GOLGB1: variants seen among roughly 807,000 people sequenced by gnomAD.
GOLGB1 encodes the protein golgin B1, also known as golgin subfamily B member 1.
In GOLGB1, 174 loss-of-function variants were observed where a neutral mutation model predicts 336.9. The ratio of observed to expected loss-of-function variants is 0.52; its 90% CI spans 0.46 to 0.59. The LOEUF (loss-of-function observed/expected upper bound fraction) is 0.59. Ranked by LOEUF, GOLGB1 falls within the 20% of genes least tolerant of loss-of-function variation. The pLI is 0.00. For synonymous variants in GOLGB1, 1,208 were observed against 1,289.2 expected (o/e 0.94, Z 1.35); for missense variants, 3,331 against 3,645.3 (o/e 0.91, Z 2.22).
Position 121,692,309 on chromosome 3 carries a change from G to A in GOLGB1, c.7055C>T (p.Ala2352Val). ...ACTGAACTTAGAATTTTGAATATCA[G>A]CCTCTTGCTGCCTTATGATCCCTTC... ...NLEGIIRQQEADIQNSKFSYE... is the reference protein window; with the variant it reads ...NLEGIIRQQEVDIQNSKFSYE... The change falls in exon 14 of 22, where the codon GCT becomes GTT. Residue 2352 changes from alanine (A) to valine (V), a missense_variant. Coordinates refer to ENST00000614479, the MANE Select transcript of GOLGB1 (RefSeq NM_001366282.2). 3 of 1,611,100 alleles carry A rather than the reference G, an allele frequency of 1.9e-6. No individual in the cohort carries two copies. Among genetic ancestry groups the A allele is most frequent in the Non-Finnish European group, 2.5e-6 (3 of 1,179,206 alleles).
intron 10 of GOLGB1, among the ~76,000 whole-genome samples, chr3:121,711,842 T>G (rs1170766581): frequency 1.3e-5 from 2 of 152,204 alleles, no homozygotes; most frequent in Non-Finnish European, 2.9e-5. Context: ...AATGGAGAGA[T>G]ATACTATATT....
chr3:121,689,191 G>A (rs1195837345), intron 14 of GOLGB1, among the ~76,000 whole-genome samples: 19 of 152,280 alleles, frequency 1.2e-4, no homozygotes, highest in East Asian at 1.2e-3. Context: ...TGACAATGGC[G>A]GTTTTGTGGA....
Position 121,692,094 on chromosome 3 carries a change from G to A in GOLGB1, c.7270C>T (p.Gln2424Ter). 6.2e-7 allele frequency: 1 copy of A among 1,613,442 alleles called. No individual in the cohort carries two copies. Among genetic ancestry groups the A allele is most frequent in the Non-Finnish European group, 8.5e-7 (1 of 1,179,626 alleles). The change falls in exon 14 of 22, where the codon CAG (glutamine) becomes TAG (stop). Residue 2424 changes from glutamine to a stop codon, truncating the protein, a stop_gained. Coordinates refer to ENST00000614479, the MANE Select transcript of GOLGB1 (RefSeq NM_001366282.2). LOFTEE classifies it high-confidence loss of function. ...AAAACAATATTCTCCTCTTCCTCCTGGGACAGCAGGTTTTCCAGCTCTTTA... is the reference window on the plus strand; with the variant it reads ...AAAACAATATTCTCCTCTTCCTCCTAGGACAGCAGGTTTTCCAGCTCTTTA... The part of the protein sequence containing the change: ...EIKELENLLS[Q>*]EEEENIVLEE...
chr3:121,714,934 T>C lies in GOLGB1; in HGVS notation c.1331A>G (p.Asn444Ser), dbSNP rs745531473. The change falls in exon 10 of 22, where the codon AAT becomes AGT. Residue 444 changes from asparagine (N) to serine (S), a missense_variant. Coordinates refer to ENST00000614479, the MANE Select transcript of GOLGB1 (RefSeq NM_001366282.2). ...TTCATGTTGTTGCAAGGGCAGTCTA[T>C]TTAGAAATTGGCTAATTTCTTTGGA... ...QKSKEISQFLNRLPLQQHETA... is the reference protein window; with the variant it reads ...QKSKEISQFLSRLPLQQHETA... 20 of 1,612,938 alleles carry C rather than the reference T, an allele frequency of 1.2e-5. No individual in the cohort carries two copies. The highest frequency in any genetic ancestry group is 5.3e-5 in the African/African-American group (4 of 74,908).
At chr3:121,748,653 T>TCAC in intron 1 of GOLGB1, 1 of 177,462 alleles carries the variant, frequency 5.6e-6, no homozygotes, top group Non-Finnish European at 1.1e-5. Flanking sequence ...TCTTATCAAT[T>TCAC]CACGCTTTTG....
intron 12 of GOLGB1, 71 bp from the exon 13 acceptor site, chr3:121,699,000 A>C: frequency 1.7e-6 from 2 of 1,166,306 alleles, no homozygotes; most frequent in South Asian, 3.3e-5. Flanking sequence ...CCCAACTAAA[A>C]ACTTGTATTT....
intron 17 of GOLGB1, among the ~76,000 whole-genome samples, chr3:121,672,527 T>C (rs1005171880): frequency 5.3e-5 from 8 of 152,260 alleles, no homozygotes; most frequent in African/African-American, 1.4e-4. Flanking sequence ...ATTCTGGTTA[T>C]TAATCCCTTG....
chr3:121,734,138 C>T (rs531808900), intron 1 of GOLGB1, among the ~76,000 whole-genome samples: 10 of 152,068 alleles, frequency 6.6e-5, no homozygotes, highest in Admixed American at 2.0e-4. Context: ...ACCTGTAATC[C>T]CAGCACTTTG....
rs1354340061 is a variant in GOLGB1 at position 121,664,052 on chromosome 3, A to G, written c.*428T>C. The G allele has an allele frequency of 5.6e-6, 1 of 178,730 alleles. No individual in the cohort carries two copies. Among genetic ancestry groups the G allele is most frequent in the African/African-American group, 2.4e-5 (1 of 42,522 alleles). The allele number at this position is 178,730 out of a possible 1,614,324, so 11.1% of individuals were successfully genotyped here. On this transcript the variant is annotated 3_prime_UTR_variant, in exon 22 of 22. Coordinates refer to ENST00000614479, the MANE Select transcript of GOLGB1 (RefSeq NM_001366282.2). ...GGCAGAGCCACCTTCCCCCTGAAAC[A>G]GGAGAAAATACAGGCAAACAAGGCA...
At chr3:121,733,557 A>G (rs186433712) in intron 1 of GOLGB1, among the ~76,000 whole-genome samples, 389 of 152,310 alleles carry the variant, frequency 2.6e-3, no homozygotes, top group South Asian at 5.8e-3. Flanking sequence ...CCCCATTTTG[A>G]CCTATAAAAT....
At chr3:121,726,815 G>C (rs1945651509) in intron 5 of GOLGB1, 98 bp downstream of exon 5, 1 of 799,580 alleles carries the variant, frequency 1.3e-6, no homozygotes, top group South Asian at 2.3e-5. Flanking sequence ...ATAGATAAAT[G>C]CCCATTGTGC....
Position 121,690,963 on chromosome 3 carries a change from C to T in GOLGB1, c.8401G>A (p.Glu2801Lys). The T allele has an allele frequency of 2.5e-6, 4 of 1,614,160 alleles. No homozygotes were observed. The highest frequency in any genetic ancestry group is 3.4e-6 in the Non-Finnish European group (4 of 1,180,010). ...SETAFSMNST[E>K]ENSLSHLEKL... The stretch of plus-strand genomic sequence containing the variant: ...TCAAGGTGAGACAAGCTATTCTCCT[C>T]AGTGGAGTTCATTGAAAAGGCGGTT... The change falls in exon 14 of 22, where the codon GAG becomes AAG. Residue 2801 changes from glutamate to lysine, a missense_variant. By Grantham distance (56) the Glu-to-Lys change is moderately conservative. Transcript: ENST00000614479.
At chr3:121,742,663 C>T (rs1245353367) in intron 1 of GOLGB1, among the ~76,000 whole-genome samples, 2 of 152,064 alleles carry the variant, frequency 1.3e-5, no homozygotes, top group Non-Finnish European at 2.9e-5. Context: ...AAAGAAACTA[C>T]CATCAGAGTG....
intron 5 of GOLGB1, among the ~76,000 whole-genome samples, chr3:121,725,331 C>T (rs767101271): frequency 2.6e-5 from 4 of 152,146 alleles, no homozygotes; most frequent in South Asian, 2.1e-4. Flanking sequence ...ACCCCTGTAC[C>T]GGCAGAGGAT....
intron 4 of GOLGB1, among the ~76,000 whole-genome samples, chr3:121,727,313 TATATA>T (rs1560307789): frequency 1.0e-4 from 4 of 39,988 alleles, no homozygotes; most frequent in African/African-American, 2.7e-4. Context: ...TATATATATA[TATATA>T]TATTTTTTTT....
Position 121,664,336 on chromosome 3 carries a change from T to G in GOLGB1, c.*144A>C. The stretch of plus-strand genomic sequence containing the variant: ...GCTCCAACCTGTCCTCGTATCCACC[T>G]CTGTTTTTGCAGGCACTTTCCGTGA... On this transcript the variant is annotated 3_prime_UTR_variant, in exon 22 of 22. Transcript: ENST00000614479. 1.3e-6 allele frequency: 1 copy of G among 744,770 alleles called. No individual in the cohort carries two copies. Among genetic ancestry groups the G allele is most frequent in the East Asian group, 2.7e-5 (1 of 37,636 alleles). The allele number at this position is 744,770 out of a possible 1,614,324, so 46.1% of individuals were successfully genotyped here.
At chr3:121,699,204 A>G (rs1943192649) in intron 12 of GOLGB1, among the ~76,000 whole-genome samples, 1 of 152,140 alleles carries the variant, frequency 6.6e-6, no homozygotes, top group African/African-American at 2.4e-5. Context: ...TTACATAAGA[A>G]GCTTTTTTTC....
chr3:121,698,547 A>G lies in GOLGB1; in HGVS notation c.1976T>C (p.Leu659Ser), dbSNP rs758098530. The G allele has an allele frequency of 6.2e-7, 1 of 1,613,910 alleles. No individual in the cohort carries two copies. Among genetic ancestry groups the G allele is most frequent in the Admixed American group, 1.7e-5 (1 of 60,002 alleles). The change falls in exon 13 of 22, where the codon TTA (leucine) becomes TCA (serine). Residue 659 changes from leucine to serine, a missense_variant. Physicochemically the swap from Leu to Ser is moderately radical, Grantham distance 145. Transcript: ENST00000614479. ...HQSRTSEEIS[L>S]NDAGVELKST... Reference sequence around the variant, plus strand: ...TTTCAATTCTACTCCAGCATCATTTAAAGATATTTCCTCAGATGTTCTACT... The same window carrying G: ...TTTCAATTCTACTCCAGCATCATTTGAAGATATTTCCTCAGATGTTCTACT...
intron 7 of GOLGB1, among the ~76,000 whole-genome samples, 179 bp from the exon 8 acceptor site, chr3:121,718,680 A>G (rs540057795): frequency 3.9e-5 from 6 of 152,292 alleles, no homozygotes; most frequent in African/African-American, 1.4e-4. Context: ...AGAGTCTCCA[A>G]AATGTCTTCT....
Sources: allele counts gnomAD v4.1 joint callset (sites outside exome capture counted in the v4.1 genomes callset), GRCh38; gene constraint gnomAD v4.1.1; transcripts MANE v1.5; gene names NCBI Gene and HGNC (gene_info 2026-07-23, HGNC 2026-07-21).